Variants in HTR2C observed in about 807,000 individuals in gnomAD.
HTR2C encodes 5-hydroxytryptamine (serotonin) receptor 2C, G protein-coupled.
A neutral mutation model predicts 21.0 loss-of-function variants in HTR2C; 5 were observed. That is an observed-to-expected ratio of 0.24 (90% confidence interval 0.12 to 0.50). HTR2C has a LOEUF of 0.50. Ranked by LOEUF, HTR2C falls within the 20% of genes least tolerant of loss-of-function variation. The pLI, the probability that HTR2C is intolerant of heterozygous loss-of-function variation, is 0.98. For synonymous variants in HTR2C, 150 were observed against 145.3 expected (o/e 1.03, Z -0.23); for missense variants, 271 against 371.2 (o/e 0.73, Z 2.22).
chrX:114,753,769 A>C (rs376208553), intron 4 of HTR2C, among the ~76,000 whole-genome samples: 72 of 112,289 alleles, frequency 6.4e-4, no homozygotes, highest in African/African-American at 2.2e-3. Context: ...CATGAAATCA[A>C]AGACCTAAAT....
intron 5 of HTR2C, among the ~76,000 whole-genome samples, chrX:114,871,599 C>A (rs2071091984): frequency 9.6e-6 from 1 of 103,864 alleles, no homozygotes; most frequent in African/African-American, 3.4e-5. Flanking sequence ...TAAAAGTACT[C>A]TGTCTGTGGC....
At chrX:114,849,036 TATC>T (rs1461461740) in intron 5 of HTR2C, among the ~76,000 whole-genome samples, 5 of 112,021 alleles carry the variant, frequency 4.5e-5, no homozygotes, top group Admixed American at 9.5e-5. Flanking sequence ...TCTTCACTAA[TATC>T]ATCTAAATAT....
chrX:114,632,904 A>T (rs1556404554), intron 2 of HTR2C, among the ~76,000 whole-genome samples: 1 of 111,204 alleles, frequency 9.0e-6, no homozygotes, highest in Admixed American at 9.6e-5. Context: ...TTGCAAATGA[A>T]TGTCTATAAT....
At chrX:114,736,484 C>T (rs1432051132) in intron 4 of HTR2C, among the ~76,000 whole-genome samples, 1 of 111,486 alleles carries the variant, frequency 9.0e-6, no homozygotes, top group African/African-American at 3.3e-5. Flanking sequence ...AAGAAAGCCA[C>T]AATTAAAGAC....
chrX:114,772,483 G>A (rs1373524774), intron 4 of HTR2C, among the ~76,000 whole-genome samples: 2 of 46,603 alleles, frequency 4.3e-5, no homozygotes, highest in African/African-American at 1.5e-4. Flanking sequence ...GGGGCGGGGC[G>A]TGGTGGGGGG....
rs1474833920 is a variant in HTR2C, at chrX:114,740,440, TTAACTCAGA to T, written c.349+8834_349+8842del. On this transcript the variant is annotated intron_variant, in intron 4 of 5. Transcript: ENST00000276198. The stretch of plus-strand genomic sequence containing the variant: ...AAAAAACTACATAAGTAATTATGTT[TTAACTCAGA>T]AAACTAACATCTAAAGTGTTCACTG... Among the ~76,000 whole-genome samples the T allele has an allele frequency of 1.8e-5, 2 of 111,069 alleles. 1 individual carries two copies. The highest frequency in any genetic ancestry group is 5.6e-4 in the East Asian group (2 of 3,549).
At chrX:114,585,150 C>T (rs1927337731) in intron 1 of HTR2C, among the ~76,000 whole-genome samples, 1 of 110,099 alleles carries the variant, frequency 9.1e-6, no homozygotes, top group Non-Finnish European at 1.9e-5. Flanking sequence ...AGGTTTGGGA[C>T]AGTGTGTGCA....
At chrX:114,881,678 A>G (rs1345512973) in intron 5 of HTR2C, among the ~76,000 whole-genome samples, 1 of 110,291 alleles carries the variant, frequency 9.1e-6, no homozygotes, top group African/African-American at 3.3e-5. Flanking sequence ...TAGCCTCTCA[A>G]TTCTATTCCA....
intron 2 of HTR2C, among the ~76,000 whole-genome samples, chrX:114,663,260 G>C (rs188661034): frequency 2.7e-5 from 3 of 110,706 alleles, no homozygotes; most frequent in African/African-American, 9.8e-5. Context: ...TAGTGTATTC[G>C]TTCCAGCAAC....
intron 2 of HTR2C, among the ~76,000 whole-genome samples, chrX:114,641,778 A>G (rs781864716): frequency 9.0e-6 from 1 of 111,448 alleles, no homozygotes; most frequent in East Asian, 2.8e-4. Context: ...CAGGATGTGC[A>G]GGTTTGTTAC....
At chrX:114,811,585 A>G (rs2070532444) in intron 4 of HTR2C, among the ~76,000 whole-genome samples, 1 of 112,497 alleles carries the variant, frequency 8.9e-6, no homozygotes, top group African/African-American at 3.2e-5. Flanking sequence ...GGGTCAAGCC[A>G]ATATGTTCCC....
intron 5 of HTR2C, among the ~76,000 whole-genome samples, chrX:114,859,553 G>A (rs1202015252): frequency 5.4e-5 from 6 of 110,392 alleles, no homozygotes; most frequent in Middle Eastern, 4.7e-3. Flanking sequence ...TTCCTGTTTC[G>A]CCCAGAGAAT....
At chrX:114,739,917 G>A (rs2069628309) in intron 4 of HTR2C, among the ~76,000 whole-genome samples, 1 of 109,981 alleles carries the variant, frequency 9.1e-6, no homozygotes, top group African/African-American at 3.3e-5. Flanking sequence ...AACAGTCTGG[G>A]CAACATAGTG....
In HTR2C at chrX:114,728,783, A is replaced by T. The variant is rs139791483; in HGVS notation, c.35+1812A>T. On this transcript the variant is annotated intron_variant, in intron 3 of 5. Transcript: ENST00000276198. ...CAAATTATAAAATTCATAATTTGAC[A>T]TAATTTTCTTCGTATATGTTTCTGT... Among the ~76,000 whole-genome samples the T allele has an allele frequency of 2.1e-3, 232 of 111,913 alleles. 1 individual carries two copies. The highest frequency in any genetic ancestry group is 0.016 in the Admixed American group (169 of 10,485).
At chrX:114,749,637 G>T (rs782036042) in intron 4 of HTR2C, among the ~76,000 whole-genome samples, 1 of 109,026 alleles carries the variant, frequency 9.2e-6, no homozygotes, top group African/African-American at 3.3e-5. Context: ...TCTAAGTGGG[G>T]ATCTAAAAGA....
intron 4 of HTR2C, among the ~76,000 whole-genome samples, chrX:114,752,164 G>A (rs1005056279): frequency 1.3e-4 from 14 of 111,545 alleles, no homozygotes; most frequent in African/African-American, 4.5e-4. Context: ...TAGATATTTA[G>A]ACAATGAATA....
At chrX:114,793,734 T>TA (rs2070258916) in intron 4 of HTR2C, among the ~76,000 whole-genome samples, 1 of 110,206 alleles carries the variant, frequency 9.1e-6, no homozygotes, top group African/African-American at 3.3e-5. Context: ...CTTTTTTTTT[T>TA]ATTTATTCAT....
chrX:114,753,827 A>G (rs1395227369), intron 4 of HTR2C, among the ~76,000 whole-genome samples: 1 of 112,041 alleles, frequency 8.9e-6, no homozygotes, highest in Admixed American at 9.5e-5. Context: ...TCAACATAGT[A>G]AAGATATCAG....
chrX:114,601,248 C>A (rs1207772012), intron 1 of HTR2C, among the ~76,000 whole-genome samples: 3 of 111,022 alleles, frequency 2.7e-5, no homozygotes, highest in African/African-American at 9.9e-5. Context: ...AATCAAGGTA[C>A]AGAATTGCCC....
Sources: allele counts gnomAD v4.1 joint callset (sites outside exome capture counted in the v4.1 genomes callset), GRCh38; gene constraint gnomAD v4.1.1; transcripts MANE v1.5; gene names NCBI Gene and HGNC (gene_info 2026-07-23, HGNC 2026-07-21).